The following ADGRD1 variants were observed in gnomAD, a reference collection of about 807,000 sequenced individuals.
ADGRD1 encodes the protein adhesion G protein-coupled receptor D1, also known as G-protein coupled receptor 133.
In ADGRD1, 77 loss-of-function variants were observed where a neutral mutation model predicts 113.4. The observed-to-expected ratio is 0.68, with a 90% CI of 0.57 to 0.82. The LOEUF is 0.82. Ranked by LOEUF, ADGRD1 falls within the 40% of genes least tolerant of loss-of-function variation. The pLI is 0.00. For missense variants in ADGRD1, 1,036 were observed against 1,139.1 expected, an observed-to-expected ratio of 0.91 and a Z score of 1.30; for synonymous variants, 474 against 475.0, an observed-to-expected ratio of 1.00 and a Z score of 0.03.
intron 13 of ADGRD1, among the ~76,000 whole-genome samples, chr12:131,051,314 C>T (rs1306280706): frequency 1.3e-5 from 2 of 152,206 alleles, no homozygotes; most frequent in African/African-American, 4.8e-5. Flanking sequence ...CATTTTCCTT[C>T]TTTTCTGCTG....
At chr12:130,996,689 G>A (rs1179005003) in intron 8 of ADGRD1, among the ~76,000 whole-genome samples, 2 of 95,950 alleles carry the variant, frequency 2.1e-5, no homozygotes, top group Admixed American at 9.3e-5. Flanking sequence ...CAGACGGGGC[G>A]GCTGGCCGGG....
chr12:131,005,982 C>A lies in ADGRD1; in HGVS notation c.1266C>A (p.Thr422=). 6.2e-7 allele frequency: 1 copy of A among 1,611,496 alleles called. No individual in the cohort carries two copies. Among genetic ancestry groups the A allele is most frequent in the East Asian group, 2.2e-5 (1 of 44,858 alleles). ...HEAFHRHAWS[T]VVGLLYHSMH... ...CTGCTCTCTCTGCAGCCTGGAGCACCGTCGTGGGTCTGCTGTACCACAGCA... is the reference window on the plus strand; with the variant it reads ...CTGCTCTCTCTGCAGCCTGGAGCACAGTCGTGGGTCTGCTGTACCACAGCA... The change falls in exon 12 of 25, where the codon ACC becomes ACA. Residue 422 remains threonine, a synonymous_variant. Coordinates refer to ENST00000261654, the MANE Select transcript of ADGRD1 (RefSeq NM_198827.5).
intron 4 of ADGRD1, among the ~76,000 whole-genome samples, chr12:130,973,700 G>A (rs575580004): frequency 1.2e-4 from 19 of 152,256 alleles, no homozygotes; most frequent in East Asian, 1.9e-4. Context: ...CCATGAACTC[G>A]GGCTTCATGT....
intron 15 of ADGRD1, among the ~76,000 whole-genome samples, chr12:131,093,946 G>GCACCCAGCCT (rs1161470497): frequency 2.0e-4 from 5 of 24,408 alleles, no homozygotes; most frequent in East Asian, 5.6e-3. Context: ...CCCAGCCTCA[G>GCACCCAGCCT]CAGCACCCAG....
rs1308721275 is a variant in ADGRD1, at chr12:131,050,124, T to A, written c.1474-26677T>A. 6.6e-6 allele frequency among the ~76,000 whole-genome samples: 1 copy of A among 152,064 alleles called. No homozygotes were observed. The highest frequency in any genetic ancestry group is 1.5e-5 in the Non-Finnish European group (1 of 68,016). On this transcript the variant is annotated intron_variant, in intron 13 of 24. Coordinates refer to ENST00000261654, the MANE Select transcript of ADGRD1 (RefSeq NM_198827.5). The surrounding 1 kb of genome is among the most constrained non-coding windows in gnomAD (Gnocchi z 4.8). ...TGCGTGCAGGAAGCTGGGAATTCAG[T>A]GTGTCCTCCTGGGCCAGCACAAACC...
intron 15 of ADGRD1, among the ~76,000 whole-genome samples, chr12:131,099,634 A>C (rs1038098457): frequency 2.6e-5 from 4 of 152,184 alleles, no homozygotes; most frequent in Non-Finnish European, 4.4e-5. Flanking sequence ...GTATAACGTT[A>C]CATGCAGAAG....
At chr12:131,088,121 C>T (rs1249074233) in intron 15 of ADGRD1, among the ~76,000 whole-genome samples, 2 of 152,208 alleles carry the variant, frequency 1.3e-5, no homozygotes, top group Non-Finnish European at 2.9e-5. Context: ...CCATGGAGAG[C>T]ACCTGTTCGT....
At chr12:131,035,183 CT>C (rs1201499361) in intron 13 of ADGRD1, 2 of 152,896 alleles carry the variant, frequency 1.3e-5, no homozygotes, top group African/African-American at 2.4e-5. Flanking sequence ...CCTCCCCTTC[CT>C]GGTCGCTCCT....
At position 131,060,232 on chromosome 12, in the gene ADGRD1, G is replaced by A. The variant is rs549430136; in HGVS notation, c.1474-16569G>A. Among the ~76,000 whole-genome samples the A allele has an allele frequency of 1.9e-3, 290 of 152,318 alleles. No homozygotes were observed. Among genetic ancestry groups the A allele is most frequent in the African/African-American group, 6.7e-3 (278 of 41,574 alleles). On this transcript the variant is annotated intron_variant, in intron 13 of 24. Coordinates refer to ENST00000261654, the MANE Select transcript of ADGRD1 (RefSeq NM_198827.5). This position sits in a 1 kb window ranked among gnomAD's most constrained non-coding sequence, Gnocchi z 4.4. ...CAGTGCCACCTCCCTGGGGATGCTC[G>A]GGGCATCCGCCACAGCCCTGATACC... is the stretch of plus-strand genomic sequence containing the variant.
chr12:131,092,882 C>CTTT (rs71451397), intron 15 of ADGRD1, among the ~76,000 whole-genome samples: 4 of 143,662 alleles, frequency 2.8e-5, no homozygotes, highest in African/African-American at 1.0e-4. Context: ...TTTGGGATTT[C>CTTT]TTTTTTTTTT....
At chr12:131,010,371 A>G (rs1207536696) in intron 12 of ADGRD1, among the ~76,000 whole-genome samples, 1 of 152,094 alleles carries the variant, frequency 6.6e-6, no homozygotes, top group Non-Finnish European at 1.5e-5. Flanking sequence ...ACCAGGGAAT[A>G]TTTTCATTTG....
In ADGRD1 at chr12:131,096,773, C is replaced by T. The variant is rs1887314344; in HGVS notation, c.1672-8058C>T. On this transcript the variant is annotated intron_variant, in intron 15 of 24. Coordinates refer to ENST00000261654, the MANE Select transcript of ADGRD1 (RefSeq NM_198827.5). This position sits in a 1 kb window ranked among gnomAD's most constrained non-coding sequence, Gnocchi z 5.2. Reference sequence around the variant, plus strand: ...CATCGCCACAACTGTTTAAAGCAGCCATCGTCTGGGGCACAGTGGGGACTC... The same window carrying T: ...CATCGCCACAACTGTTTAAAGCAGCTATCGTCTGGGGCACAGTGGGGACTC... Among the ~76,000 whole-genome samples the T allele has an allele frequency of 6.6e-6, 1 of 152,312 alleles. No individual in the cohort carries two copies. The highest frequency in any genetic ancestry group is 1.5e-5 in the Non-Finnish European group (1 of 68,032).
intron 13 of ADGRD1, among the ~76,000 whole-genome samples, chr12:131,018,304 G>C (rs1321402594): frequency 6.6e-6 from 1 of 152,240 alleles, no homozygotes; most frequent in Non-Finnish European, 1.5e-5. Flanking sequence ...TCTCCCAGGT[G>C]TCTGCATGTC....
Position 130,965,465 on chromosome 12 carries a change from T to C in ADGRD1, c.104-998T>C, listed in dbSNP as rs1870903407. On this transcript the variant is annotated intron_variant, in intron 2 of 24. Coordinates refer to ENST00000261654, the MANE Select transcript of ADGRD1 (RefSeq NM_198827.5). The surrounding 1 kb of genome is among the most constrained non-coding windows in gnomAD (Gnocchi z 4.8). ...TCTAGCAGTCGCTTGGGGCAGTTGA[T>C]TATTGTTTAGTCATCTGAACCATTA... is the stretch of plus-strand genomic sequence containing the variant. Among the ~76,000 whole-genome samples the C allele has an allele frequency of 6.6e-6, 1 of 152,202 alleles. No individual in the cohort carries two copies. Among genetic ancestry groups the C allele is most frequent in the Non-Finnish European group, 1.5e-5 (1 of 68,030 alleles).
chr12:130,980,885 G>A (rs1293587165), intron 4 of ADGRD1: 2 of 152,208 alleles, frequency 1.3e-5, no homozygotes, highest in Admixed American at 6.5e-5. Context: ...TGCTGCTGGT[G>A]GCGGAGGCAA....
rs1445207312 is a variant in ADGRD1 at position 131,120,859 on chromosome 12, G to T, written c.2121G>T (p.Ser707=). The part of the protein sequence containing the change: ...SYGTSNNCWL[S]LASGAIWAFV... ...CTTCCCTCCGCAGTTGCTGGCTGTC[G>T]TTGGCGAGTGGCGCCATCTGGGCCT... The change falls in exon 20 of 25, where the codon TCG becomes TCT. Residue 707 remains serine (S), a synonymous_variant. Coordinates refer to ENST00000261654, the MANE Select transcript of ADGRD1 (RefSeq NM_198827.5). 3 of 1,614,240 alleles carry T rather than the reference G, an allele frequency of 1.9e-6. No individual in the cohort carries two copies. The highest frequency in any genetic ancestry group is 1.1e-5 in the South Asian group (1 of 91,088).
intron 8 of ADGRD1, 89 bp from the exon 9 acceptor site, chr12:131,000,294 A>G: frequency 1.1e-6 from 1 of 928,650 alleles, no homozygotes; most frequent in Non-Finnish European, 1.8e-6. Flanking sequence ...GTTGATAGAG[A>G]CCCATTGGAA....
chr12:130,996,890 A>C, intron 8 of ADGRD1, among the ~76,000 whole-genome samples: 1 of 107,592 alleles, frequency 9.3e-6, no homozygotes, highest in African/African-American at 3.7e-5. Context: ...GGGGCTCCTC[A>C]CTTCCCAGTA....
chr12:130,975,744 A>G (rs115963230), intron 4 of ADGRD1, among the ~76,000 whole-genome samples: 1,819 of 152,340 alleles, frequency 0.012, 40 homozygotes, highest in African/African-American at 0.041. Flanking sequence ...TATAACAAGT[A>G]AAAACACAGA....
Sources: gnomAD v4.1 joint callset for allele counts (sites outside exome capture counted in the v4.1 genomes callset) on GRCh38, gnomAD v4.1.1 for gene constraint, Gnocchi (gnomAD v3.1) non-coding constraint, MANE v1.5 for transcripts, NCBI Gene and HGNC (gene_info 2026-07-23, HGNC 2026-07-21) for gene names.